IGLON5: variants seen among roughly 807,000 people sequenced by gnomAD.
IGLON5 encodes IgLON family member 5, also known as Ig-like domain-containing protein ENSP00000270642.
IGLON5 carries 16 observed loss-of-function variants against 38.2 expected under a neutral mutation model. The ratio of observed to expected loss-of-function variants is 0.42; its 90% CI spans 0.28 to 0.64. The LOEUF is 0.64. Ranked by LOEUF, IGLON5 falls within the 30% of genes least tolerant of loss-of-function variation. The pLI, the probability that IGLON5 is intolerant of heterozygous loss-of-function variation, is 0.23. For synonymous variants in IGLON5, 207 were observed against 216.4 expected (o/e 0.96, Z 0.38); for missense variants, 366 against 483.4 (o/e 0.76, Z 2.28).
chr19:51,323,618 G>A, intron 2 of IGLON5, 44 bp from the exon 3 acceptor site: 1 of 1,536,522 alleles, frequency 6.5e-7, no homozygotes, highest in Non-Finnish European at 8.9e-7. Context: ...GAAGCCTCAG[G>A]CTGGGTGGGT....
Position 51,325,536 on chromosome 19 carries a change from C to T in IGLON5, c.511+71C>T. ...GTCTGGGCCCCTCCATTCCCCATAT[C>T]CCTAGCTAGTTTCCCCAGCCCCCTT... On this transcript the variant is annotated intron_variant, in intron 4 of 7. Transcript: ENST00000270642. The surrounding 1 kb of genome is among the most constrained non-coding windows in gnomAD (Gnocchi z 5.5). 1 of 1,461,622 alleles carries T rather than the reference C, an allele frequency of 6.8e-7. No individual in the cohort carries two copies. Among genetic ancestry groups the T allele is most frequent in the Non-Finnish European group, 9.1e-7 (1 of 1,096,088 alleles). 90.5% of individuals were successfully genotyped at this position (1,461,622 alleles called of 1,614,324 possible).
At position 51,325,610 on chromosome 19, in the gene IGLON5, TC is replaced by T; in HGVS notation, c.511+147del. The T allele has an allele frequency of 1.1e-6, 1 of 934,188 alleles. No individual in the cohort carries two copies. Among genetic ancestry groups the T allele is most frequent in the East Asian group, 2.8e-5 (1 of 35,856 alleles). 57.9% of individuals were successfully genotyped at this position (934,188 alleles called of 1,614,324 possible). ...TCCCACTCTGCTTCCAGTTATTTCA[TC>T]CACAGACCACAAACCCCAGACCTAA... On this transcript the variant is annotated intron_variant, in intron 4 of 7. Transcript: ENST00000270642. This position sits in a 1 kb window ranked among gnomAD's most constrained non-coding sequence, Gnocchi z 5.5.
At chr19:51,328,020 C>A (rs1985261379) in intron 7 of IGLON5, 134 bp downstream of exon 7, 17 of 959,846 alleles carry the variant, frequency 1.8e-5, no homozygotes, top group Middle Eastern at 6.7e-4. Flanking sequence ...AAAAGCAATG[C>A]GAGTAAGAAA....
At position 51,327,786 on chromosome 19, in the gene IGLON5, G is replaced by A; in HGVS notation, c.822G>A (p.Ser274=). ...AGGTGCAGACGGAGCGCACCCGCTC[G>A]ATGCTTCTCTTTGCCAACGTGAGCG... ...GLKVQTERTR[S]MLLFANVSAR... is the part of the protein sequence containing the mutation. The change falls in exon 7 of 8, where the codon TCG becomes TCA. Residue 274 remains serine (S), a synonymous_variant. Coordinates refer to ENST00000270642, the MANE Select transcript of IGLON5 (RefSeq NM_001101372.3). The surrounding 1 kb of genome is among the most constrained non-coding windows in gnomAD (Gnocchi z 7.1). The A allele has an allele frequency of 1.3e-6, 2 of 1,572,096 alleles. No homozygotes were observed. The highest frequency in any genetic ancestry group is 1.7e-6 in the Non-Finnish European group (2 of 1,160,662).
At chr19:51,321,431 G>A (rs1325906757) in intron 1 of IGLON5, among the ~76,000 whole-genome samples, 4 of 152,064 alleles carry the variant, frequency 2.6e-5, no homozygotes, top group East Asian at 3.9e-4. Flanking sequence ...CTCCCACCTC[G>A]GCCTCCCAAA....
chr19:51,327,038 C>T lies in IGLON5; in HGVS notation c.647-42C>T, dbSNP rs747506546. ...GGCTGGGGGCGGGACCCCTTCGTCC[C>T]CACGCGGCTAGGAGAATTCGCTGAC... is the stretch of plus-strand genomic sequence containing the variant. On this transcript the variant is annotated intron_variant, in intron 5 of 7. Coordinates refer to ENST00000270642, the MANE Select transcript of IGLON5 (RefSeq NM_001101372.3). The surrounding 1 kb of genome is among the most constrained non-coding windows in gnomAD (Gnocchi z 7.1). 1 of 1,599,260 alleles carries T rather than the reference C, an allele frequency of 6.3e-7. No individual in the cohort carries two copies. Among genetic ancestry groups the T allele is most frequent in the Admixed American group, 1.7e-5 (1 of 57,786 alleles).
rs60928654 is a variant in IGLON5 at position 51,329,827 on chromosome 19, GACAC to G, written c.*1093_*1096del. 6,213 of 147,098 alleles carry G rather than the reference GACAC, an allele frequency of 0.042. 449 individuals are homozygous for G. Among genetic ancestry groups the G allele is most frequent in the African/African-American group, 0.14 (5,845 of 40,544 alleles). 9.1% of individuals were successfully genotyped at this position (147,098 alleles called of 1,614,324 possible). A position where few individuals can be genotyped will look rare whatever the true frequency, so the allele number is the denominator to read the frequency against. On this transcript the variant is annotated 3_prime_UTR_variant, in exon 8 of 8. Transcript: ENST00000270642. This position sits in a 1 kb window ranked among gnomAD's most constrained non-coding sequence, Gnocchi z 4.3. ...CACCACACACACATACACACACACA[GACAC>G]ACACACACACACACACACACACACC...
At chr19:51,312,260 C>A (rs1487065807) in intron 1 of IGLON5, among the ~76,000 whole-genome samples, 1 of 151,074 alleles carries the variant, frequency 6.6e-6, no homozygotes, top group Non-Finnish European at 1.5e-5. Flanking sequence ...GAGGAGGGGG[C>A]AGACACTGGA....
chr19:51,322,353 GAC>G, intron 2 of IGLON5, among the ~76,000 whole-genome samples: 1 of 151,972 alleles, frequency 6.6e-6, no homozygotes, highest in East Asian at 2.0e-4. Context: ...AGGGGGCAGA[GAC>G]ACACACAGAG....
intron 1 of IGLON5, among the ~76,000 whole-genome samples, chr19:51,317,005 C>G (rs1984942023): frequency 6.6e-6 from 1 of 151,300 alleles, no homozygotes; most frequent in Admixed American, 6.6e-5. Context: ...AGAGTATCAC[C>G]CTCCCGACCC....
Position 51,328,987 on chromosome 19 carries a change from C to G in IGLON5, c.*228C>G, listed in dbSNP as rs545199391. 6 of 465,974 alleles carry G rather than the reference C, an allele frequency of 1.3e-5. No individual in the cohort carries two copies. Among genetic ancestry groups the G allele is most frequent in the African/African-American group, 2.0e-5 (1 of 49,274 alleles). The allele number at this position is 465,974 out of a possible 1,614,324, so 28.9% of individuals were successfully genotyped here. A position where few individuals can be genotyped will look rare whatever the true frequency, so the allele number is the denominator to read the frequency against. ...TCTTTCTACAGCCATTCTCGCCACCCGTTCACGTTTCCGATTGTGACCCAC... is the reference window on the plus strand; with the variant it reads ...TCTTTCTACAGCCATTCTCGCCACCGGTTCACGTTTCCGATTGTGACCCAC... On this transcript the variant is annotated 3_prime_UTR_variant, in exon 8 of 8. Transcript: ENST00000270642.
intron 1 of IGLON5, among the ~76,000 whole-genome samples, chr19:51,313,550 T>C (rs1984820295): frequency 6.6e-6 from 1 of 152,124 alleles, no homozygotes; most frequent in South Asian, 2.1e-4. Context: ...CATTTCCTTC[T>C]TGTTCTGACC....
intron 4 of IGLON5, among the ~76,000 whole-genome samples, chr19:51,326,145 GA>G (rs146534611): frequency 0.039 from 5,945 of 152,088 alleles, 407 homozygotes; most frequent in African/African-American, 0.14. Flanking sequence ...CAGGGTCTTT[GA>G]AGACCCATGG....
rs1375544157 is a variant in IGLON5, at chr19:51,311,944, G to A, written c.79+18G>A. 3.1e-6 allele frequency: 4 copies of A among 1,296,034 alleles called. No individual in the cohort carries two copies. The highest frequency in any genetic ancestry group is 2.9e-4 in the Middle Eastern group (1 of 3,440). The allele number at this position is 1,296,034 out of a possible 1,614,324, so 80.3% of individuals were successfully genotyped here. On this transcript the variant is annotated intron_variant, in intron 1 of 7. Coordinates refer to ENST00000270642, the MANE Select transcript of IGLON5 (RefSeq NM_001101372.3). ...CAGCCGAGGTACCGCAGCGCCGGGG[G>A]CGGGGGGCTCGGCCGGGACGCCAGG...
rs1173015635 is a variant in IGLON5 at position 51,323,710 on chromosome 19, C to G, written c.207C>G (p.Ser69=). ...CCCGCGTGGCCTGGCTGAACCGCTC[C>G]AACATCCTGTATGCCGGCAATGACC... ...HVTRVAWLNR[S]NILYAGNDRW... Residue 69 remains serine, a synonymous_variant, in exon 3 of 8, where the codon TCC becomes TCG. Coordinates refer to ENST00000270642, the MANE Select transcript of IGLON5 (RefSeq NM_001101372.3). 6.2e-7 allele frequency: 1 copy of G among 1,613,914 alleles called. No individual in the cohort carries two copies. Among genetic ancestry groups the G allele is most frequent in the Admixed American group, 1.7e-5 (1 of 60,022 alleles).
chr19:51,327,986 CT>C lies in IGLON5; in HGVS notation c.922+102del. The stretch of plus-strand genomic sequence containing the variant: ...GACCGCCCTTCAGGCTGGCCCTGAA[CT>C]TAGGAGATGGACGCTGAGACTGAAA... On this transcript the variant is annotated intron_variant, in intron 7 of 7. Transcript: ENST00000270642. This position sits in a 1 kb window ranked among gnomAD's most constrained non-coding sequence, Gnocchi z 7.1. The C allele has an allele frequency of 8.1e-7, 1 of 1,232,560 alleles. No individual in the cohort carries two copies. Among genetic ancestry groups the C allele is most frequent in the Non-Finnish European group, 1.1e-6 (1 of 921,598 alleles). 76.4% of individuals were successfully genotyped at this position (1,232,560 alleles called of 1,614,324 possible).
At position 51,323,680 on chromosome 19, in the gene IGLON5, C is replaced by T. The variant is rs200977330; in HGVS notation, c.177C>T (p.His59=). Reference sequence around the variant, plus strand: ...CCTGCAGCTGCTTCATCGACGAGCACGTGACCCGCGTGGCCTGGCTGAACC... The same window carrying T: ...CCTGCAGCTGCTTCATCGACGAGCATGTGACCCGCGTGGCCTGGCTGAACC... ...NATLSCFIDE[H]VTRVAWLNRS... Residue 59 remains histidine, a synonymous_variant, in exon 3 of 8, where the codon CAC becomes CAT. Transcript: ENST00000270642. 7.1e-5 allele frequency: 115 copies of T among 1,610,930 alleles called. No homozygotes were observed. The African/African-American group carries it at 1.3e-3, about 18-fold the overall frequency.
At chr19:51,312,023 G>T (rs1019609464) in intron 1 of IGLON5, 97 bp downstream of exon 1, 1 of 616,166 alleles carries the variant, frequency 1.6e-6, no homozygotes, top group Non-Finnish European at 2.3e-6. Context: ...CTGCATCCCT[G>T]GGCCGGCGCG....
chr19:51,328,450 T>G (rs2123538164), intron 7 of IGLON5, among the ~76,000 whole-genome samples: 1 of 146,132 alleles, frequency 6.8e-6, no homozygotes, highest in South Asian at 2.2e-4. Context: ...AGGCAGAGGT[T>G]ACAGTGAGCC....
Sources: gnomAD v4.1 joint callset for allele counts (sites outside exome capture counted in the v4.1 genomes callset) on GRCh38, gnomAD v4.1.1 for gene constraint, Gnocchi (gnomAD v3.1) non-coding constraint, MANE v1.5 for transcripts, NCBI Gene and HGNC (gene_info 2026-07-23, HGNC 2026-07-21) for gene names.